EMCN: variants seen among roughly 807,000 people sequenced by gnomAD.
The protein encoded by EMCN is MUC-14.
In EMCN, 37 loss-of-function variants were observed where a neutral mutation model predicts 38.4. The ratio of observed to expected loss-of-function variants is 0.96; its 90% CI spans 0.74 to 1.27. EMCN has a LOEUF of 1.27. Among genes scored for constraint, EMCN ranks in the 50% most tolerant of loss-of-function variants. The probability of loss-of-function intolerance (pLI) is 0.00; values close to 1 mark genes in which losing one functional copy is unlikely to be tolerated. For synonymous variants in EMCN, 95 were observed against 100.8 expected, an observed-to-expected ratio of 0.94 and a Z score of 0.35; for missense variants, 318 against 302.8, an observed-to-expected ratio of 1.05 and a Z score of -0.37.
At chr4:100,424,152 G>A (rs1726979433) in intron 5 of EMCN, among the ~76,000 whole-genome samples, 1 of 152,008 alleles carries the variant, frequency 6.6e-6, no homozygotes, top group Non-Finnish European at 1.5e-5. Context: ...CTGTCAATAA[G>A]TTTAAAGGAA....
At chr4:100,483,194 C>T (rs1218499158) in intron 1 of EMCN, among the ~76,000 whole-genome samples, 1 of 152,058 alleles carries the variant, frequency 6.6e-6, no homozygotes, top group Non-Finnish European at 1.5e-5. Context: ...CAAAGAGGCT[C>T]ATATTCTTAT....
intron 1 of EMCN, among the ~76,000 whole-genome samples, chr4:100,505,082 C>T (rs1729446500): frequency 6.6e-6 from 1 of 152,196 alleles, no homozygotes; most frequent in Non-Finnish European, 1.5e-5. Flanking sequence ...GGGAAGGGCC[C>T]CCTGTCCAGT....
At chr4:100,475,302 TACACACACACAC>T (rs59162117) in intron 2 of EMCN, among the ~76,000 whole-genome samples, 193 bp from the exon 3 acceptor site, 3 of 143,040 alleles carry the variant, frequency 2.1e-5, no homozygotes, top group Non-Finnish European at 4.5e-5. Flanking sequence ...TTGGGTGGCC[TACACACACACAC>T]ACACACACAC....
intron 1 of EMCN, among the ~76,000 whole-genome samples, chr4:100,489,703 C>A (rs1039057521): frequency 2.0e-5 from 3 of 152,050 alleles, no homozygotes; most frequent in African/African-American, 7.2e-5. Flanking sequence ...ATGTATATAC[C>A]ATACAGTCAA....
intron 1 of EMCN, among the ~76,000 whole-genome samples, chr4:100,492,356 A>C (rs1359415957): frequency 1.3e-5 from 2 of 152,130 alleles, no homozygotes; most frequent in African/African-American, 4.8e-5. Flanking sequence ...GTCCAATCAG[A>C]GGAGCAAAAA....
intron 11 of EMCN, among the ~76,000 whole-genome samples, chr4:100,404,222 A>T (rs887865178): frequency 6.6e-6 from 1 of 152,054 alleles, no homozygotes; most frequent in Non-Finnish European, 1.5e-5. Context: ...ATCTTAGTTG[A>T]TTTTTGTATA....
chr4:100,422,908 G>A, intron 7 of EMCN, 113 bp downstream of exon 7: 1 of 988,320 alleles, frequency 1.0e-6, no homozygotes, highest in Non-Finnish European at 1.6e-6. Flanking sequence ...TGGGATTGCA[G>A]GCTCAGTAAA....
intron 8 of EMCN, among the ~76,000 whole-genome samples, chr4:100,418,461 C>T (rs1726798703): frequency 6.6e-6 from 1 of 152,010 alleles, no homozygotes; most frequent in African/African-American, 2.4e-5. Context: ...TGACTATAGT[C>T]GCCCTGTTGT....
intron 5 of EMCN, among the ~76,000 whole-genome samples, chr4:100,441,059 G>A (rs1727501661): frequency 6.6e-6 from 1 of 151,894 alleles, no homozygotes; most frequent in African/African-American, 2.4e-5. Flanking sequence ...CTGCACTCCA[G>A]CCTGGGCAAC....
At chr4:100,426,173 G>A (rs1265563017) in intron 5 of EMCN, among the ~76,000 whole-genome samples, 1 of 152,082 alleles carries the variant, frequency 6.6e-6, no homozygotes, top group Non-Finnish European at 1.5e-5. Flanking sequence ...CAAGGCACCT[G>A]TGATTGCTAT....
At chr4:100,501,983 G>C (rs896558031) in intron 1 of EMCN, among the ~76,000 whole-genome samples, 2 of 152,056 alleles carry the variant, frequency 1.3e-5, no homozygotes, top group Admixed American at 1.3e-4. Flanking sequence ...CAGCACACAA[G>C]GAGTGGGGTT....
chr4:100,499,448 C>A (rs56755512), intron 1 of EMCN, among the ~76,000 whole-genome samples: 1,531 of 152,292 alleles, frequency 0.01, 31 homozygotes, highest in African/African-American at 0.035. Context: ...AGTGCTTTAA[C>A]AATTGATTAG....
intron 4 of EMCN, among the ~76,000 whole-genome samples, chr4:100,458,664 T>G: frequency 6.6e-6 from 1 of 152,170 alleles, no homozygotes. Flanking sequence ...TCAGAAGGCC[T>G]AAAACTAACA....
intron 1 of EMCN, among the ~76,000 whole-genome samples, chr4:100,510,234 C>A (rs952919851): frequency 1.3e-5 from 2 of 152,062 alleles, no homozygotes. Flanking sequence ...AATACAAACA[C>A]AATTTTGCTT....
chr4:100,480,216 T>G (rs1267657339), intron 1 of EMCN, among the ~76,000 whole-genome samples, 177 bp from the exon 2 acceptor site: 1 of 152,060 alleles, frequency 6.6e-6, no homozygotes, highest in Non-Finnish European at 1.5e-5. Flanking sequence ...TTCTCCCCAG[T>G]GGCATGAATT....
chr4:100,491,735 T>G (rs552878592), intron 1 of EMCN, among the ~76,000 whole-genome samples: 1 of 152,232 alleles, frequency 6.6e-6, no homozygotes, highest in Non-Finnish European at 1.5e-5. Flanking sequence ...ATAACAGAGG[T>G]CAGTCAGTGG....
At chr4:100,497,791 A>G (rs1729249484) in intron 1 of EMCN, among the ~76,000 whole-genome samples, 1 of 152,220 alleles carries the variant, frequency 6.6e-6, no homozygotes, top group African/African-American at 2.4e-5. Flanking sequence ...GTATAGGATA[A>G]AGTTCAGAAG....
chr4:100,420,087 G>T (rs1256317258), intron 8 of EMCN, among the ~76,000 whole-genome samples: 1 of 152,028 alleles, frequency 6.6e-6, no homozygotes, highest in East Asian at 1.9e-4. Context: ...TGGGGAAGAA[G>T]AATTCTATTT....
chr4:100,459,835 A>G (rs1728126969), intron 4 of EMCN, among the ~76,000 whole-genome samples: 1 of 152,170 alleles, frequency 6.6e-6, no homozygotes, highest in Admixed American at 6.5e-5. Flanking sequence ...CTGTTAATGG[A>G]CACTTAGGTT....
Sources: allele counts gnomAD v4.1 joint callset (sites outside exome capture counted in the v4.1 genomes callset), GRCh38; gene constraint gnomAD v4.1.1; transcripts MANE v1.5; gene names NCBI Gene and HGNC (gene_info 2026-07-23, HGNC 2026-07-21).